SSBP1: variants seen among roughly 807,000 people sequenced by gnomAD.
SSBP1 encodes the protein single-stranded DNA-binding protein, mitochondrial.
A neutral mutation model predicts 27.0 loss-of-function variants in SSBP1; 20 were observed. That is an observed-to-expected ratio of 0.74 (90% CI 0.52 to 1.08). The LOEUF is 1.08. Ranked by LOEUF, SSBP1 falls within the 50% of genes least tolerant of loss-of-function variation. SSBP1 has a pLI of 0.00. For missense variants in SSBP1, 137 were observed against 182.4 expected, an observed-to-expected ratio of 0.75 and a Z score of 1.44; for synonymous variants, 59 against 59.3, an observed-to-expected ratio of 1.00 and a Z score of 0.02.
chr7:141,743,718 G>A lies in SSBP1; in HGVS notation c.226+17G>A, dbSNP rs1799659466. On this transcript the variant is annotated intron_variant, in intron 4 of 6. Transcript: ENST00000265304. Reference sequence around the variant, plus strand: ...ACCAACTGGGTGAGTACAAAAGACTGGGGTTTTAATTTTATCAGCAATAAA... The same window carrying A: ...ACCAACTGGGTGAGTACAAAAGACTAGGGTTTTAATTTTATCAGCAATAAA... 2 of 1,610,116 alleles carry A rather than the reference G, an allele frequency of 1.2e-6. No individual in the cohort carries two copies. Among genetic ancestry groups the A allele is most frequent in the South Asian group, 2.2e-5 (2 of 90,702 alleles).
At chr7:141,743,141 C>T (rs1399316610) in intron 3 of SSBP1, among the ~76,000 whole-genome samples, 2 of 152,238 alleles carry the variant, frequency 1.3e-5, no homozygotes, top group Admixed American at 1.3e-4. Context: ...GCGTGAGCCA[C>T]CGCGCCCAGC....
chr7:141,750,205 ATC>A, intron 6 of SSBP1, 104 bp from the exon 7 acceptor site: 2 of 806,618 alleles, frequency 2.5e-6, no homozygotes, highest in Non-Finnish European at 2.0e-6. Context: ...GATGGCTAAA[ATC>A]CTTTTAATGA....
intron 5 of SSBP1, among the ~76,000 whole-genome samples, chr7:141,744,857 T>C (rs1387571026): frequency 6.6e-6 from 1 of 152,186 alleles, no homozygotes; most frequent in East Asian, 1.9e-4. Context: ...TTCTGTGTTG[T>C]ACTTTTTTGG....
At chr7:141,745,647 C>T (rs1799753374) in intron 6 of SSBP1, 63 bp downstream of exon 6, 2 of 1,598,846 alleles carry the variant, frequency 1.3e-6, no homozygotes, top group South Asian at 2.2e-5. Flanking sequence ...AAAAGCTTGG[C>T]TACACTGTAA....
At chr7:141,744,623 CAT>C (rs1042928652) in intron 5 of SSBP1, among the ~76,000 whole-genome samples, 10 of 152,284 alleles carry the variant, frequency 6.6e-5, no homozygotes, top group African/African-American at 1.9e-4. Context: ...AGAAAGAAAA[CAT>C]ATTTTATGAA....
chr7:141,742,273 T>C (rs200175173), intron 3 of SSBP1, 44 bp downstream of exon 3: 179 of 1,469,944 alleles, frequency 1.2e-4, no homozygotes, highest in African/African-American at 1.4e-5. Context: ...TTTTAGTAAT[T>C]TGCCAATCTC....
At chr7:141,743,143 G>A (rs189506732) in intron 3 of SSBP1, among the ~76,000 whole-genome samples, 195 of 152,278 alleles carry the variant, frequency 1.3e-3, no homozygotes, top group East Asian at 2.5e-3. Flanking sequence ...GTGAGCCACC[G>A]CGCCCAGCCA....
At chr7:141,745,652 C>G in intron 6 of SSBP1, 68 bp downstream of exon 6, 4 of 1,591,950 alleles carry the variant, frequency 2.5e-6, no homozygotes, top group Non-Finnish European at 3.4e-6. Context: ...CTTGGCTACA[C>G]TGTAACTAAC....
At chr7:141,738,945 G>A in intron 1 of SSBP1, 179 bp from the exon 2 acceptor site, 4 of 451,298 alleles carry the variant, frequency 8.9e-6, no homozygotes, top group Non-Finnish European at 1.2e-5. Context: ...ACATACAGGT[G>A]TGAGTTTATT....
intron 2 of SSBP1, chr7:141,741,925 A>G (rs1799549967): frequency 4.9e-6 from 3 of 611,622 alleles, no homozygotes; most frequent in Non-Finnish European, 7.3e-6. Context: ...GAGTACTATA[A>G]CTTAACTTTG....
chr7:141,744,304 A>T lies in SSBP1; in HGVS notation c.314+315A>T, dbSNP rs1020990381. Among the ~76,000 whole-genome samples, 127 of 152,234 alleles carry T rather than the reference A, an allele frequency of 8.3e-4. 2 individuals carry two copies. The highest frequency in any genetic ancestry group is 3.0e-3 in the African/African-American group (126 of 41,446). ...GTATCAAGTGGCATTTGAGCAAGTC[A>T]AACATCTGCTTTGAGGAATTCCTGT... On this transcript the variant is annotated intron_variant, in intron 5 of 6. Coordinates refer to ENST00000265304, the MANE Select transcript of SSBP1 (RefSeq NM_003143.3).
chr7:141,745,400 A>G (rs1446234669), intron 5 of SSBP1, 96 bp from the exon 6 acceptor site: 2 of 1,039,658 alleles, frequency 1.9e-6, no homozygotes, highest in Middle Eastern at 3.4e-4. Context: ...ATGATTATAT[A>G]TTTCATCCTT....
At chr7:141,745,870 A>G (rs1164533000) in intron 6 of SSBP1, 4 of 1,118,892 alleles carry the variant, frequency 3.6e-6, no homozygotes, top group Admixed American at 8.9e-5. Flanking sequence ...GAATTACAAA[A>G]ACTCTGAATG....
chr7:141,747,143 T>C (rs78749983), intron 6 of SSBP1, among the ~76,000 whole-genome samples: 4,442 of 152,248 alleles, frequency 0.029, 167 homozygotes, highest in South Asian at 0.15. Context: ...ACCTAATTGA[T>C]CAAAACAATT....
chr7:141,747,988 ACT>A (rs1325243924), intron 6 of SSBP1, among the ~76,000 whole-genome samples: 1 of 129,450 alleles, frequency 7.7e-6, no homozygotes, highest in Non-Finnish European at 1.6e-5. Flanking sequence ...ATAGAGGAAG[ACT>A]CTCTCAAAAA....
Position 141,745,388 on chromosome 7 carries a change from A to G in SSBP1, c.315-108A>G, listed in dbSNP as rs147616338. On this transcript the variant is annotated intron_variant, in intron 5 of 6. Coordinates refer to ENST00000265304, the MANE Select transcript of SSBP1 (RefSeq NM_003143.3). ...GAAGTGGTAGCAAAAATTAGCTTAT[A>G]TATGATTATATATTTCATCCTTGTC... 2,651 of 910,278 alleles carry G rather than the reference A, an allele frequency of 2.9e-3. 57 individuals are homozygous for G. In the East Asian group the frequency reaches 0.039, roughly 13 times the overall value. The allele number at this position is 910,278 out of a possible 1,614,324, so 56.4% of individuals were successfully genotyped here.
chr7:141,745,152 C>G (rs1442782902), intron 5 of SSBP1, among the ~76,000 whole-genome samples: 4 of 152,136 alleles, frequency 2.6e-5, no homozygotes. Flanking sequence ...CTGTTAGGGA[C>G]TCCAAAATCA....
intron 5 of SSBP1, among the ~76,000 whole-genome samples, chr7:141,744,633 G>GA (rs1462585996): frequency 6.6e-6 from 1 of 152,206 alleles, no homozygotes; most frequent in African/African-American, 2.4e-5. Flanking sequence ...CATATTTTAT[G>GA]AAAAATAATT....
rs1243865509 is a variant in SSBP1 at position 141,750,422 on chromosome 7, G to C, written c.*68G>C. 5 of 1,280,168 alleles carry C rather than the reference G, an allele frequency of 3.9e-6. No homozygotes were observed. The African/African-American group carries it at 7.7e-5, about 20-fold the overall frequency. 79.3% of individuals were successfully genotyped at this position (1,280,168 alleles called of 1,614,324 possible). A position where few individuals can be genotyped will look rare whatever the true frequency, so the allele number is the denominator to read the frequency against. The stretch of plus-strand genomic sequence containing the variant: ...TTCCAAGTCATGTATAATCTTTATG[G>C]CTTCCAAGGACAAGAATTAAAATAC... On this transcript the variant is annotated 3_prime_UTR_variant, in exon 7 of 7. Transcript: ENST00000265304.
Sources: allele counts gnomAD v4.1 joint callset (sites outside exome capture counted in the v4.1 genomes callset), GRCh38; gene constraint gnomAD v4.1.1; transcripts MANE v1.5; gene names NCBI Gene and HGNC (gene_info 2026-07-23, HGNC 2026-07-21).